The following ANO2 variants were observed in gnomAD, a reference collection of about 807,000 sequenced individuals.
ANO2 encodes anoctamin 2, also known as anoctamin-2.
ANO2 carries 101 observed loss-of-function variants against 124.2 expected under a neutral mutation model. The observed-to-expected ratio is 0.81, with a 90% confidence interval of 0.69 to 0.96. ANO2 has a LOEUF of 0.96. Among genes scored for constraint, ANO2 ranks in the 40% least tolerant of loss-of-function variants. The probability of loss-of-function intolerance (pLI) is 0.00; values close to 1 mark genes in which losing one functional copy is unlikely to be tolerated. For missense variants in ANO2, 1,293 were observed against 1,274.5 expected (o/e 1.01, Z -0.22); for synonymous variants, 486 against 482.5 (o/e 1.01, Z -0.09).
chr12:5,566,001 G>T (rs1043858727), intron 23 of ANO2, among the ~76,000 whole-genome samples: 4 of 152,202 alleles, frequency 2.6e-5, no homozygotes, highest in Admixed American at 2.0e-4. Context: ...GTCCACCTGG[G>T]CCTCCCACTA....
intron 10 of ANO2, among the ~76,000 whole-genome samples, chr12:5,758,486 T>C (rs758286992): frequency 1.6e-4 from 25 of 152,094 alleles, no homozygotes; most frequent in Non-Finnish European, 3.1e-4. Flanking sequence ...GCAACAAACA[T>C]CAACAGCCTG....
intron 15 of ANO2, among the ~76,000 whole-genome samples, chr12:5,640,539 AC>A (rs1472600670): frequency 1.3e-5 from 2 of 152,248 alleles, no homozygotes; most frequent in African/African-American, 2.4e-5. Context: ...CAAGAAAAAA[AC>A]AACCCCATCA....
intron 14 of ANO2, among the ~76,000 whole-genome samples, chr12:5,698,504 A>C (rs1949280227): frequency 6.6e-6 from 1 of 152,224 alleles, no homozygotes; most frequent in Non-Finnish European, 1.5e-5. Flanking sequence ...GAGAAACCAG[A>C]CCAGAAAAGC....
intron 3 of ANO2, among the ~76,000 whole-genome samples, chr12:5,892,672 C>G (rs1015049428): frequency 5.3e-5 from 8 of 152,136 alleles, no homozygotes. Context: ...ATCAAGAATT[C>G]TATAACCTGT....
chr12:5,642,723 C>G (rs1045994014), intron 15 of ANO2, among the ~76,000 whole-genome samples: 5 of 152,240 alleles, frequency 3.3e-5, no homozygotes, highest in African/African-American at 9.6e-5. Context: ...AGCCCATGTC[C>G]TTACTGTGGT....
At chr12:5,630,722 C>T (rs920059971) in intron 16 of ANO2, among the ~76,000 whole-genome samples, 2 of 152,186 alleles carry the variant, frequency 1.3e-5, no homozygotes, top group African/African-American at 4.8e-5. Context: ...TAAGATCTGC[C>T]ATGGGCCAGG....
intron 23 of ANO2, among the ~76,000 whole-genome samples, chr12:5,572,242 C>G (rs1942169001): frequency 6.6e-6 from 1 of 152,144 alleles, no homozygotes; most frequent in Non-Finnish European, 1.5e-5. Flanking sequence ...ACCCCTCTCA[C>G]CTGAGCCTGT....
At chr12:5,761,774 T>A (rs1034499473) in intron 10 of ANO2, among the ~76,000 whole-genome samples, 4 of 152,188 alleles carry the variant, frequency 2.6e-5, no homozygotes, top group Non-Finnish European at 5.9e-5. Flanking sequence ...TTTACATGAC[T>A]TGTGTGCTCT....
chr12:5,680,464 T>C (rs965175458), intron 14 of ANO2, among the ~76,000 whole-genome samples: 1 of 151,960 alleles, frequency 6.6e-6, no homozygotes, highest in Admixed American at 6.6e-5. Context: ...AGTGCTTTGG[T>C]AGGAATGGAA....
chr12:5,721,184 C>A (rs905611255), intron 14 of ANO2, among the ~76,000 whole-genome samples: 1 of 152,124 alleles, frequency 6.6e-6, no homozygotes, highest in Non-Finnish European at 1.5e-5. Context: ...GCCCTCCTAC[C>A]ATGCACACTC....
chr12:5,783,850 C>A (rs1406363028), intron 10 of ANO2, among the ~76,000 whole-genome samples: 1 of 152,156 alleles, frequency 6.6e-6, no homozygotes, highest in East Asian at 1.9e-4. Context: ...CCAGCCTGTG[C>A]CCCACTTCCG....
intron 14 of ANO2, among the ~76,000 whole-genome samples, chr12:5,703,628 C>T (rs1278948842): frequency 2.0e-5 from 3 of 152,164 alleles, no homozygotes; most frequent in African/African-American, 7.2e-5. Flanking sequence ...CAGCCTCTAA[C>T]TCCTAGGCCC....
At chr12:5,688,810 CTTT>C (rs36091783) in intron 14 of ANO2, among the ~76,000 whole-genome samples, 3 of 119,380 alleles carry the variant, frequency 2.5e-5, no homozygotes, top group Non-Finnish European at 3.4e-5. Context: ...TGGGAGTATC[CTTT>C]TTTTTTTTTT....
chr12:5,700,019 TAGAC>T (rs1450073644), intron 14 of ANO2, among the ~76,000 whole-genome samples: 2 of 152,100 alleles, frequency 1.3e-5, no homozygotes, highest in Non-Finnish European at 2.9e-5. Flanking sequence ...CTGTCAACAT[TAGAC>T]AGATCAATGA....
At chr12:5,878,309 A>G (rs964024874) in intron 3 of ANO2, among the ~76,000 whole-genome samples, 3 of 152,250 alleles carry the variant, frequency 2.0e-5, no homozygotes, top group Admixed American at 6.5e-5. Flanking sequence ...AGGTTGACTC[A>G]TCTGGTGAGG....
At chr12:5,941,332 C>T (rs191262016) in intron 1 of ANO2, among the ~76,000 whole-genome samples, 23 of 151,770 alleles carry the variant, frequency 1.5e-4, no homozygotes, top group Admixed American at 6.6e-5. Context: ...AAGAAAAATC[C>T]ATTGGGTGGG....
intron 20 of ANO2, among the ~76,000 whole-genome samples, chr12:5,582,709 G>A (rs1015431634): frequency 6.6e-6 from 1 of 152,262 alleles, no homozygotes; most frequent in South Asian, 2.1e-4. Flanking sequence ...GATCAACTCC[G>A]CCTGCCTTCC....
chr12:5,929,204 G>A lies in ANO2; in HGVS notation c.23-6400C>T, dbSNP rs556928839. 2.2e-4 allele frequency among the ~76,000 whole-genome samples: 28 copies of A among 128,792 alleles called. No individual in the cohort carries two copies. The South Asian group carries it at 5.2e-3, about 24-fold the overall frequency. 84.5% of individuals were successfully genotyped at this position (128,792 alleles called of 152,430 possible). A position where few individuals can be genotyped will look rare whatever the true frequency, so the allele number is the denominator to read the frequency against. On this transcript the variant is annotated intron_variant, in intron 1 of 24. Coordinates refer to ENST00000682330, the MANE Select transcript of ANO2 (RefSeq NM_001364791.2). ...ACTAGTCTACCTTCTTTCCTCACTC[G>A]TCTACCTTCTTTCCTTATTAGTCAC... is the stretch of plus-strand genomic sequence containing the variant.
intron 2 of ANO2, among the ~76,000 whole-genome samples, 192 bp from the exon 3 acceptor site, chr12:5,921,558 T>C (rs1333864886): frequency 1.3e-5 from 2 of 152,072 alleles, no homozygotes; most frequent in Non-Finnish European, 2.9e-5. Context: ...TGCGAGGCCC[T>C]CCACCCACCT....
Sources: gnomAD v4.1 joint callset for allele counts (sites outside exome capture counted in the v4.1 genomes callset) on GRCh38, gnomAD v4.1.1 for gene constraint, MANE v1.5 for transcripts, NCBI Gene and HGNC (gene_info 2026-07-23, HGNC 2026-07-21) for gene names.